The following OR51G2 variants were observed in gnomAD, a reference collection of about 807,000 sequenced individuals.
OR51G2 encodes the protein olfactory receptor 51G2.
A neutral mutation model predicts 11.8 loss-of-function variants in OR51G2; 13 were observed. That is an observed-to-expected ratio of 1.10 (90% CI 0.72 to 1.76). OR51G2 has a LOEUF of 1.76. Among genes scored for constraint, OR51G2 ranks in the 40% most tolerant of loss-of-function variants. OR51G2 has a pLI of 0.00. For missense variants in OR51G2, 474 were observed against 394.4 expected (o/e 1.20, Z -1.71); for synonymous variants, 178 against 151.9 (o/e 1.17, Z -1.26).
chr11:4,916,577 C>G (rs1851096455), intron 1 of OR51G2, among the ~76,000 whole-genome samples: 1 of 151,916 alleles, frequency 6.6e-6, no homozygotes, highest in African/African-American at 2.4e-5. Flanking sequence ...ACATACAAGC[C>G]CTAATTCTAG....
At position 4,913,682 on chromosome 11, in the gene OR51G2, T is replaced by C. The variant is rs1346294111; in HGVS notation, c.*1037A>G. The C allele has an allele frequency of 1.3e-5, 2 of 152,216 alleles. No homozygotes were observed. Among genetic ancestry groups the C allele is most frequent in the Non-Finnish European group, 2.9e-5 (2 of 68,038 alleles). The allele number at this position is 152,216 out of a possible 1,614,324, so 9.4% of individuals were successfully genotyped here. On this transcript the variant is annotated 3_prime_UTR_variant, in exon 2 of 2. Coordinates refer to ENST00000641926, the MANE Select transcript of OR51G2 (RefSeq NM_001005238.2). ...AATCTGTTTCCACTTCACCTCATTT[T>C]TCTTAAACCTTCCTGACATTCTAGA... is the stretch of plus-strand genomic sequence containing the variant.
intron 1 of OR51G2, among the ~76,000 whole-genome samples, chr11:4,918,952 A>G (rs576959713): frequency 1.8e-4 from 27 of 152,342 alleles, no homozygotes; most frequent in African/African-American, 6.5e-4. Context: ...TTGACCTTTA[A>G]TAACCGAGCT....
At chr11:4,917,658 A>G (rs1272368652) in intron 1 of OR51G2, among the ~76,000 whole-genome samples, 1 of 152,180 alleles carries the variant, frequency 6.6e-6, no homozygotes. Context: ...ACCACATTAC[A>G]TATCAAAGTG....
At position 4,914,422 on chromosome 11, in the gene OR51G2, G is replaced by A; in HGVS notation, c.*297C>T. 1 of 289,042 alleles carries A rather than the reference G, an allele frequency of 3.5e-6. No individual in the cohort carries two copies. Among genetic ancestry groups the A allele is most frequent in the Non-Finnish European group, 6.5e-6 (1 of 154,400 alleles). 17.9% of individuals were successfully genotyped at this position (289,042 alleles called of 1,614,324 possible). ...TTACAAATTCTATCCAGTTTCAAGGGGAGAAGAAGTAGACCCTATCTCTTT... is the reference window on the plus strand; with the variant it reads ...TTACAAATTCTATCCAGTTTCAAGGAGAGAAGAAGTAGACCCTATCTCTTT... On this transcript the variant is annotated 3_prime_UTR_variant, in exon 2 of 2. Coordinates refer to ENST00000641926, the MANE Select transcript of OR51G2 (RefSeq NM_001005238.2).
rs752018855 is a variant in OR51G2 at position 4,914,785 on chromosome 11, A to T, written c.879T>A (p.Asn293Lys). The change falls in exon 2 of 2, where the codon AAT becomes AAA. Residue 293 changes from asparagine (N) to lysine (K), a missense_variant. Coordinates refer to ENST00000641926, the MANE Select transcript of OR51G2 (RefSeq NM_001005238.2). ...FMYLLFPPVM[N>K]PIVYSVKTKQ... ...TGGTCTTCACACTGTAGACAATGGG[A>T]TTCATCACAGGAGGAAAGAGAAGAT... 6.2e-7 allele frequency: 1 copy of T among 1,613,988 alleles called. No individual in the cohort carries two copies. The highest frequency in any genetic ancestry group is 2.2e-5 in the East Asian group (1 of 44,820).
rs779365615 is a variant in OR51G2, at chr11:4,915,362, G to C, written c.302C>G (p.Ala101Gly). 6.2e-7 allele frequency: 1 copy of C among 1,613,896 alleles called. No homozygotes were observed. The highest frequency in any genetic ancestry group is 2.2e-5 in the East Asian group (1 of 44,826). The change falls in exon 2 of 2, where the codon GCC (alanine) becomes GGC (glycine). Residue 101 changes from alanine to glycine, a missense_variant. Transcript: ENST00000641926. The part of the protein sequence containing the change: ...WVGAREISHD[A>G]CFAQLFFIHC... ...AATGAAAAAGAGCTGAGCAAAGCAG[G>C]CATCATGGCTAATTTCTCGTGCTCC... is the stretch of plus-strand genomic sequence containing the variant.
chr11:4,913,624 C>T lies in OR51G2; in HGVS notation c.*1095G>A, dbSNP rs1289506247. 2 of 152,162 alleles carry T rather than the reference C, an allele frequency of 1.3e-5. No homozygotes were observed. The highest frequency in any genetic ancestry group is 4.8e-5 in the African/African-American group (2 of 41,440). The allele number at this position is 152,162 out of a possible 1,614,324, so 9.4% of individuals were successfully genotyped here. A position where few individuals can be genotyped will look rare whatever the true frequency, so the allele number is the denominator to read the frequency against. On this transcript the variant is annotated 3_prime_UTR_variant, in exon 2 of 2. Coordinates refer to ENST00000641926, the MANE Select transcript of OR51G2 (RefSeq NM_001005238.2). ...TAACAAACTATCCTTGGTTCCTTGGCTTATAATCTCTTTCTGATACAGTCA... is the reference window on the plus strand; with the variant it reads ...TAACAAACTATCCTTGGTTCCTTGGTTTATAATCTCTTTCTGATACAGTCA...
In OR51G2 at chr11:4,914,982, G is replaced by A. The variant is rs201371040; in HGVS notation, c.682C>T (p.Arg228Cys). 451 of 1,614,062 alleles carry A rather than the reference G, an allele frequency of 2.8e-4. 1 individual carries two copies. Among genetic ancestry groups the A allele is most frequent in the Middle Eastern group, 2.0e-3 (12 of 6,060 alleles). ...CTGGAGGCGATGGACAGCACGGTGC[G>A]CAGGATCAGAGCATAAGAGAAGAGG... Reference protein sequence around the residue: ...LILFSYALILRTVLSIASRAE... With the variant: ...LILFSYALILCTVLSIASRAE... Residue 228 changes from arginine (R) to cysteine (C), a missense_variant, in exon 2 of 2, where the codon CGC becomes TGC. Transcript: ENST00000641926.
chr11:4,914,341 G>C lies in OR51G2; in HGVS notation c.*378C>G, dbSNP rs1171502680. 4 of 166,782 alleles carry C rather than the reference G, an allele frequency of 2.4e-5. No individual in the cohort carries two copies. Among genetic ancestry groups the C allele is most frequent in the African/African-American group, 9.6e-5 (4 of 41,684 alleles). 10.3% of individuals were successfully genotyped at this position (166,782 alleles called of 1,614,324 possible). A position where few individuals can be genotyped will look rare whatever the true frequency, so the allele number is the denominator to read the frequency against. On this transcript the variant is annotated 3_prime_UTR_variant, in exon 2 of 2. Coordinates refer to ENST00000641926, the MANE Select transcript of OR51G2 (RefSeq NM_001005238.2). The stretch of plus-strand genomic sequence containing the variant: ...ACAGTGGTGGAATGGAGGTGGAAGA[G>C]AGAGAGAGAGAGAAGATACATGGGC...
Position 4,915,435 on chromosome 11 carries a change from C to T in OR51G2, c.229G>A (p.Gly77Ser). ...FLSMLALIDL[G>S]LSLCTLPTVL... ...GTAGGGAGAGTGCAAAGGGAGAGAC[C>T]CAGGTCAATCAGAGCCAGCATGGAC... Residue 77 changes from glycine (G) to serine (S), a missense_variant, in exon 2 of 2, where the codon GGT becomes AGT. Coordinates refer to ENST00000641926, the MANE Select transcript of OR51G2 (RefSeq NM_001005238.2). 1 of 1,613,956 alleles carries T rather than the reference C, an allele frequency of 6.2e-7. No homozygotes were observed. The highest frequency in any genetic ancestry group is 2.2e-5 in the East Asian group (1 of 44,828).
At chr11:4,916,001 G>A (rs1244887207) in intron 1 of OR51G2, among the ~76,000 whole-genome samples, 1 of 152,146 alleles carries the variant, frequency 6.6e-6, no homozygotes, top group East Asian at 1.9e-4. Flanking sequence ...AGCCACTAGA[G>A]TTTTTACTAG....
At position 4,915,198 on chromosome 11, in the gene OR51G2, G is replaced by T. The variant is rs773289689; in HGVS notation, c.466C>A (p.Arg156Ser). ...AATGGAAAAATGAGTGCTACACTAC[G>T]ACCCAGAGAGACCAGGCCAATCCTG... ...IGRIGLVSLG[R>S]SVALIFPLPF... The change falls in exon 2 of 2, where the codon CGT (arginine) becomes AGT (serine). Residue 156 changes from arginine (R) to serine (S), a missense_variant. Coordinates refer to ENST00000641926, the MANE Select transcript of OR51G2 (RefSeq NM_001005238.2). 6.2e-7 allele frequency: 1 copy of T among 1,613,934 alleles called. No homozygotes were observed. Among genetic ancestry groups the T allele is most frequent in the Non-Finnish European group, 8.5e-7 (1 of 1,179,992 alleles).
In OR51G2 at chr11:4,915,335, T is replaced by C; in HGVS notation, c.329A>G (p.His110Arg). The C allele has an allele frequency of 6.2e-7, 1 of 1,613,710 alleles. No homozygotes were observed. Among genetic ancestry groups the C allele is most frequent in the Non-Finnish European group, 8.5e-7 (1 of 1,179,918 alleles). ...DACFAQLFFIHCFSFLESSVL... is the reference protein window; with the variant it reads ...DACFAQLFFIRCFSFLESSVL... ...AGAGGACTCGAGGAAGGAGAAGCAG[T>C]GAATGAAAAAGAGCTGAGCAAAGCA... The change falls in exon 2 of 2, where the codon CAC becomes CGC. Residue 110 changes from histidine to arginine, a missense_variant. Transcript: ENST00000641926.
chr11:4,918,307 G>A (rs1314260793), intron 1 of OR51G2, among the ~76,000 whole-genome samples: 1 of 152,076 alleles, frequency 6.6e-6, no homozygotes, highest in South Asian at 2.1e-4. Flanking sequence ...TGAAACGGGT[G>A]GAGGTTAAAT....
intron 1 of OR51G2, among the ~76,000 whole-genome samples, chr11:4,916,597 C>T (rs931635143): frequency 6.6e-6 from 1 of 152,120 alleles, no homozygotes; most frequent in Admixed American, 6.5e-5. Flanking sequence ...GACAGACCAA[C>T]CCTTCACTCA....
At chr11:4,916,205 G>T (rs553261662) in intron 1 of OR51G2, among the ~76,000 whole-genome samples, 3 of 151,796 alleles carry the variant, frequency 2.0e-5, no homozygotes, top group East Asian at 3.9e-4. Flanking sequence ...CCCTCTGCTG[G>T]CACTGTGGGT....
chr11:4,916,767 C>T (rs1035073135), intron 1 of OR51G2, among the ~76,000 whole-genome samples: 5 of 152,168 alleles, frequency 3.3e-5, no homozygotes, highest in African/African-American at 1.2e-4. Context: ...AGCCCTGATC[C>T]TCCTGTCAAT....
intron 1 of OR51G2, among the ~76,000 whole-genome samples, chr11:4,917,270 A>C (rs984713099): frequency 9.2e-5 from 14 of 152,216 alleles, no homozygotes; most frequent in Admixed American, 3.9e-4. Flanking sequence ...TAGATAAGAA[A>C]ACAGAAGCTT....
Position 4,915,200 on chromosome 11 carries a change from C to T in OR51G2, c.464G>A (p.Gly155Asp), listed in dbSNP as rs760607247. ...TGGAAAAATGAGTGCTACACTACGA[C>T]CCAGAGAGACCAGGCCAATCCTGCC... ...VIGRIGLVSL[G>D]RSVALIFPLP... The change falls in exon 2 of 2, where the codon GGT (glycine) becomes GAT (aspartate). Residue 155 changes from glycine to aspartate, a missense_variant. Transcript: ENST00000641926. 5.0e-6 allele frequency: 8 copies of T among 1,613,828 alleles called. No homozygotes were observed. The Admixed American group carries it at 1.2e-4, about 24-fold the overall frequency.
Sources: allele counts gnomAD v4.1 joint callset (sites outside exome capture counted in the v4.1 genomes callset), GRCh38; gene constraint gnomAD v4.1.1; transcripts MANE v1.5; gene names NCBI Gene and HGNC (gene_info 2026-07-23, HGNC 2026-07-21).